The following CIRSR variants were observed in gnomAD, a reference collection of about 807,000 sequenced individuals.
The protein encoded by CIRSR is corepressor of RBPJ and splicing regulator.
At chr2:174,378,917 G>A in the CIRSR span, 1 of 1,578,848 alleles carries the variant, frequency 6.3e-7, no homozygotes, top group East Asian at 2.2e-5. Flanking sequence ...CATGTCTAGT[G>A]CCTACCTGAG....
At chr2:174,361,647 CAAGGAG>C in the CIRSR span, among the ~76,000 whole-genome samples, 1 of 152,108 alleles carries the variant, frequency 6.6e-6, no homozygotes, top group East Asian at 1.9e-4. Context: ...AAAAATTAGG[CAAGGAG>C]AAGAACACTG....
At chr2:174,379,191 C>G in the CIRSR span, 2 of 608,692 alleles carry the variant, frequency 3.3e-6, no homozygotes, top group South Asian at 2.0e-5. Context: ...TAATTTAATA[C>G]AAAGACTAAA....
the CIRSR span, among the ~76,000 whole-genome samples, chr2:174,389,336 G>A: frequency 2.6e-5 from 4 of 152,352 alleles, no homozygotes; most frequent in South Asian, 8.3e-4. Context: ...CCAGGATGAG[G>A]TGGTCTCAGA....
At chr2:174,377,359 G>C in the CIRSR span, among the ~76,000 whole-genome samples, 1 of 152,208 alleles carries the variant, frequency 6.6e-6, no homozygotes, top group Non-Finnish European at 1.5e-5. Flanking sequence ...CTGGGGGCAA[G>C]GGAGGAGGAG....
chr2:174,395,431 T>C, the CIRSR span: 3 of 972,146 alleles, frequency 3.1e-6, no homozygotes, highest in African/African-American at 4.8e-5. Flanking sequence ...ACCAGGGCTT[T>C]AGGCCTAGAG....
At chr2:174,393,798 C>T in the CIRSR span, among the ~76,000 whole-genome samples, 1 of 149,206 alleles carries the variant, frequency 6.7e-6, no homozygotes, top group African/African-American at 2.5e-5. Context: ...ACCATCATCA[C>T]AATCTACACT....
the CIRSR span, among the ~76,000 whole-genome samples, chr2:174,365,875 A>G: frequency 6.6e-6 from 1 of 152,314 alleles, no homozygotes; most frequent in East Asian, 1.9e-4. Flanking sequence ...GAGAAAAGCA[A>G]GCATCAGAAC....
the CIRSR span, among the ~76,000 whole-genome samples, chr2:174,367,376 G>A: frequency 1.3e-5 from 2 of 152,078 alleles, no homozygotes; most frequent in African/African-American, 2.4e-5. Context: ...TCAAGAGATC[G>A]AGACCATCCT....
chr2:174,390,279 A>G, the CIRSR span, among the ~76,000 whole-genome samples: 2 of 152,264 alleles, frequency 1.3e-5, no homozygotes, highest in African/African-American at 4.8e-5. Flanking sequence ...CACACCCTGG[A>G]TATGAGACAT....
the CIRSR span, chr2:174,358,268 C>T: frequency 7.9e-5 from 12 of 152,246 alleles, no homozygotes; most frequent in African/African-American, 2.4e-4. Context: ...GAGAGGGAAT[C>T]TTGCTCTATC....
the CIRSR span, among the ~76,000 whole-genome samples, chr2:174,391,644 G>A: frequency 3.9e-5 from 6 of 152,044 alleles, no homozygotes; most frequent in Non-Finnish European, 7.4e-5. Flanking sequence ...AGGGGAGAAG[G>A]AGAAAAACGA....
At chr2:174,370,056 G>T in the CIRSR span, 2 of 1,358,184 alleles carry the variant, frequency 1.5e-6, no homozygotes, top group African/African-American at 1.5e-5. Flanking sequence ...AATAAGGCAT[G>T]CCTGCATTAG....
At chr2:174,374,721 A>C in the CIRSR span, among the ~76,000 whole-genome samples, 1 of 152,182 alleles carries the variant, frequency 6.6e-6, no homozygotes, top group Non-Finnish European at 1.5e-5. Flanking sequence ...TGTGTGCTTA[A>C]CCGCTAAGTA....
the CIRSR span, among the ~76,000 whole-genome samples, chr2:174,385,256 G>C: frequency 1.4e-5 from 2 of 147,900 alleles, no homozygotes; most frequent in Non-Finnish European, 3.0e-5. Context: ...TTCATCTTAG[G>C]AAAAAAGTAT....
the CIRSR span, among the ~76,000 whole-genome samples, chr2:174,370,741 C>A: frequency 7.9e-5 from 12 of 151,906 alleles, no homozygotes; most frequent in Non-Finnish European, 1.5e-4. Context: ...GGTGAAACCC[C>A]ATCTCTACTA....
the CIRSR span, among the ~76,000 whole-genome samples, chr2:174,367,745 TA>T: frequency 2.2e-3 from 159 of 70,848 alleles, 2 homozygotes; most frequent in South Asian, 0.047. Flanking sequence ...TGCTGTCTCT[TA>T]AAAAAAAAAA....
the CIRSR span, among the ~76,000 whole-genome samples, chr2:174,354,525 T>A: frequency 1.5e-5 from 1 of 64,996 alleles, no homozygotes; most frequent in Non-Finnish European, 2.7e-5. Context: ...ATAATATATT[T>A]TATATATTAT....
chr2:174,359,201 G>A, the CIRSR span, among the ~76,000 whole-genome samples: 1 of 152,090 alleles, frequency 6.6e-6, no homozygotes, highest in East Asian at 1.9e-4. Flanking sequence ...GGAGGAGAAG[G>A]CAGCCTGGAA....
At chr2:174,371,621 T>G in the CIRSR span, among the ~76,000 whole-genome samples, 3 of 152,236 alleles carry the variant, frequency 2.0e-5, no homozygotes, top group African/African-American at 2.4e-5. Flanking sequence ...AAGAAGCATT[T>G]TGATTGCCTA....
Sources: gnomAD v4.1 joint callset for allele counts (sites outside exome capture counted in the v4.1 genomes callset) on GRCh38, gnomAD v4.1.1 for gene constraint, MANE v1.5 for transcripts, NCBI Gene and HGNC (gene_info 2026-07-23, HGNC 2026-07-21) for gene names.